UNC13D: variants seen among roughly 807,000 people sequenced by gnomAD.
UNC13D encodes the protein protein unc-13 homolog D.
UNC13D carries 115 observed loss-of-function variants against 151.7 expected under a neutral mutation model. The observed-to-expected ratio is 0.76, with a 90% confidence interval of 0.65 to 0.88. UNC13D has a LOEUF of 0.88. Ranked by LOEUF, UNC13D falls within the 40% of genes least tolerant of loss-of-function variation. The probability of loss-of-function intolerance (pLI) is 0.00; values close to 1 mark genes in which losing one functional copy is unlikely to be tolerated. For synonymous variants in UNC13D, 588 were observed against 612.2 expected, an observed-to-expected ratio of 0.96 and a Z score of 0.58; for missense variants, 1,369 against 1,438.7, an observed-to-expected ratio of 0.95 and a Z score of 0.78.
In UNC13D at chr17:75,828,885, G is replaced by T. The variant is rs778829355; in HGVS notation, c.3053C>A (p.Ala1018Asp). ...GGGCACCTCACGCAGCGGCAGGAAGGCCTCGCCTTCCAGGTCGTCGGCCCC... is the reference window on the plus strand; with the variant it reads ...GGGCACCTCACGCAGCGGCAGGAAGTCCTCGCCTTCCAGGTCGTCGGCCCC... The part of the protein sequence containing the change: ...TLGADDLEGE[A>D]FLPLREVPGL... The change falls in exon 31 of 32, where the codon GCC becomes GAC. Residue 1018 changes from alanine to aspartate, a missense_variant. Physicochemically the swap from Ala to Asp is moderately radical, Grantham distance 126. Around this residue, in one of 3 missense-constraint regions of UNC13D, gnomAD observed 807 missense variants for 795.5 expected, o/e 1.01. Coordinates refer to ENST00000207549, the MANE Select transcript of UNC13D (RefSeq NM_199242.3). The T allele has an allele frequency of 6.2e-6, 10 of 1,604,638 alleles. No homozygotes were observed. Among genetic ancestry groups the T allele is most frequent in the South Asian group, 3.3e-5 (3 of 90,566 alleles).
chr17:75,827,796 T>A lies in UNC13D; in HGVS notation c.*169A>T. 2.0e-6 allele frequency: 3 copies of A among 1,481,452 alleles called. No individual in the cohort carries two copies. The highest frequency in any genetic ancestry group is 1.8e-6 in the Non-Finnish European group (2 of 1,115,142). 91.8% of individuals were successfully genotyped at this position (1,481,452 alleles called of 1,614,324 possible). ...TAGAGATGTCGCTGCTGAGCCCCCA[T>A]CACCATGGGAGGCAGGGGAGGTCTG... On this transcript the variant is annotated 3_prime_UTR_variant, in exon 32 of 32. Transcript: ENST00000207549.
intron 6 of UNC13D, 30 bp from the exon 7 acceptor site, chr17:75,841,031 C>T (rs552415317): frequency 6.2e-7 from 1 of 1,613,626 alleles, no homozygotes. Context: ...TGGTTGAGGG[C>T]CCTGGAGGGT....
chr17:75,833,992 T>C lies in UNC13D; in HGVS notation c.2367+83A>G. 2 of 1,559,816 alleles carry C rather than the reference T, an allele frequency of 1.3e-6. No individual in the cohort carries two copies. The highest frequency in any genetic ancestry group is 1.8e-6 in the Non-Finnish European group (2 of 1,134,140). On this transcript the variant is annotated intron_variant, in intron 24 of 31. Coordinates refer to ENST00000207549, the MANE Select transcript of UNC13D (RefSeq NM_199242.3). This position sits in a 1 kb window ranked among gnomAD's most constrained non-coding sequence, Gnocchi z 4.0. ...TGCTTTGCCTGGTCTGGGGGACTTA[T>C]CTTTGACACCAAGGCCTTCAATGAC...
chr17:75,840,828 T>C lies in UNC13D; in HGVS notation c.617A>G (p.Asp206Gly), dbSNP rs750010000. 1 of 1,613,954 alleles carries C rather than the reference T, an allele frequency of 6.2e-7. No individual in the cohort carries two copies. The highest frequency in any genetic ancestry group is 8.5e-7 in the Non-Finnish European group (1 of 1,180,012). ...TCGGACAGACTCCACAGTGTCCAGG[T>C]CCCTGGCAGGACAGAGGTTTGAGAA... ...TNASFHLDMW[D>G]LDTVESVRQK... Residue 206 changes from aspartate to glycine, a missense_variant and splice_region_variant, in exon 8 of 32, where the codon GAC becomes GGC. Transcript: ENST00000207549. The surrounding 1 kb of genome is among the most constrained non-coding windows in gnomAD (Gnocchi z 4.6).
chr17:75,839,022 C>G (rs895529591), intron 12 of UNC13D, among the ~76,000 whole-genome samples: 1 of 151,960 alleles, frequency 6.6e-6, no homozygotes, highest in Admixed American at 6.5e-5. Context: ...ATGGCGTGAA[C>G]CCAGGAGGCG....
intron 12 of UNC13D, among the ~76,000 whole-genome samples, chr17:75,838,867 A>G (rs7218058): frequency 0.45 from 69,072 of 151,944 alleles, 19,153 homozygotes; most frequent in African/African-American, 0.79. Flanking sequence ...TTGGGAGGCC[A>G]AGGCGGGCGG....
chr17:75,842,805 G>C lies in UNC13D; in HGVS notation c.388+52C>G, dbSNP rs201406510. On this transcript the variant is annotated intron_variant, in intron 5 of 31. Coordinates refer to ENST00000207549, the MANE Select transcript of UNC13D (RefSeq NM_199242.3). ...AAGAGTCCTGGGCCAGGCTGTGATG[G>C]GAGAGGAAGGAGCCAGGAAGAAGCC... The C allele has an allele frequency of 9.8e-4, 1,576 of 1,609,200 alleles. 16 individuals are homozygous for C. In the Middle Eastern group the frequency reaches 0.026, roughly 27 times the overall value.
Position 75,843,913 on chromosome 17 carries a change from G to A in UNC13D, c.117+308C>T. The A allele has an allele frequency of 2.9e-6, 4 of 1,378,342 alleles. No individual in the cohort carries two copies. In the South Asian group the frequency reaches 6.3e-5, roughly 22 times the overall value. 85.4% of individuals were successfully genotyped at this position (1,378,342 alleles called of 1,614,324 possible). A position where few individuals can be genotyped will look rare whatever the true frequency, so the allele number is the denominator to read the frequency against. ...CCCCGAACAGCTCACCCCACAGCAG[G>A]GACACCCCCACCTAATGGAGTCGGC... On this transcript the variant is annotated intron_variant, in intron 1 of 31. Coordinates refer to ENST00000207549, the MANE Select transcript of UNC13D (RefSeq NM_199242.3).
At position 75,833,123 on chromosome 17, in the gene UNC13D, G is replaced by A. The variant is rs2064883653; in HGVS notation, c.2368-78C>T. On this transcript the variant is annotated intron_variant, in intron 24 of 31. Coordinates refer to ENST00000207549, the MANE Select transcript of UNC13D (RefSeq NM_199242.3). The surrounding 1 kb of genome is among the most constrained non-coding windows in gnomAD (Gnocchi z 4.0). ...CCCATCCCCTTCCCCTGACCTGGAG[G>A]GAGGAAACAGGGCTGGGAACCGTTC... The A allele has an allele frequency of 2.8e-6, 4 of 1,423,450 alleles. No homozygotes were observed. Among genetic ancestry groups the A allele is most frequent in the African/African-American group, 2.8e-5 (2 of 70,928 alleles). The allele number at this position is 1,423,450 out of a possible 1,614,324, so 88.2% of individuals were successfully genotyped here. A position where few individuals can be genotyped will look rare whatever the true frequency, so the allele number is the denominator to read the frequency against.
Position 75,828,879 on chromosome 17 carries a change from A to G in UNC13D, c.3059T>C (p.Leu1020Pro), listed in dbSNP as rs749282003. 1 of 1,604,056 alleles carries G rather than the reference A, an allele frequency of 6.2e-7. No individual in the cohort carries two copies. Among genetic ancestry groups the G allele is most frequent in the Non-Finnish European group, 8.5e-7 (1 of 1,178,206 alleles). ...GADDLEGEAF[L>P]PLREVPGLSG... ...CAGCCCGGGCACCTCACGCAGCGGC[A>G]GGAAGGCCTCGCCTTCCAGGTCGTC... The change falls in exon 31 of 32, where the codon CTG (leucine) becomes CCG (proline). Residue 1020 changes from leucine (L) to proline (P), a missense_variant. Physicochemically the swap from Leu to Pro is moderately conservative, Grantham distance 98. Transcript: ENST00000207549.
In UNC13D at chr17:75,834,489, TCAC is replaced by T; in HGVS notation, c.2131_2133del (p.Val711del). ...GCCAGCTGGGCGGGCAACTTGCCGA[TCAC>T]CAGCCGCAGCTGCTCCATGTCATTC... On this transcript the variant is annotated inframe_deletion, in exon 23 of 32. Coordinates refer to ENST00000207549, the MANE Select transcript of UNC13D (RefSeq NM_199242.3). The T allele has an allele frequency of 6.4e-7, 1 of 1,570,792 alleles. No individual in the cohort carries two copies. The highest frequency in any genetic ancestry group is 8.6e-7 in the Non-Finnish European group (1 of 1,159,452).
rs2062143459 is a variant in UNC13D at position 75,829,126 on chromosome 17, G to A, written c.2955-143C>T. On this transcript the variant is annotated intron_variant, in intron 30 of 31. Transcript: ENST00000207549. ...TCAGCCTGGCACCTCTCAGCCATGT[G>A]GTGCAATGCCTGCTCTGACCGTGGG... 3.8e-6 allele frequency: 4 copies of A among 1,053,210 alleles called. No individual in the cohort carries two copies. In the East Asian group the frequency reaches 1.0e-4, roughly 28 times the overall value. The allele number at this position is 1,053,210 out of a possible 1,614,324, so 65.2% of individuals were successfully genotyped here.
At chr17:75,835,230 T>C (rs2064899044) in intron 20 of UNC13D, 167 bp from the exon 21 acceptor site, 1 of 1,399,906 alleles carries the variant, frequency 7.1e-7, no homozygotes, top group Admixed American at 2.0e-5. Context: ...TCAGGCAAAG[T>C]GAAGCCACAG....
rs765565016 is a variant in UNC13D, at chr17:75,834,158, C to A, written c.2299-15G>T. The A allele has an allele frequency of 9.9e-6, 16 of 1,613,412 alleles. No homozygotes were observed. Among genetic ancestry groups the A allele is most frequent in the Middle Eastern group, 1.6e-4 (1 of 6,084 alleles). On this transcript the variant is annotated splice_polypyrimidine_tract_variant and intron_variant, in intron 23 of 31. Coordinates refer to ENST00000207549, the MANE Select transcript of UNC13D (RefSeq NM_199242.3). Reference sequence around the variant, plus strand: ...CCCACCTCCAACTGGAGACACAAAACGGAAGAAGGAGGGAGGTCAGGGCAT... The same window carrying A: ...CCCACCTCCAACTGGAGACACAAAAAGGAAGAAGGAGGGAGGTCAGGGCAT...
Position 75,827,273 on chromosome 17 carries a change from G to C in UNC13D, c.*692C>G, listed in dbSNP as rs907700228. ...TTTTATTAATTTTTTTGCTAAGAAA[G>C]TTTCTAGGTGGCAGGTGCTGTCCGG... is the stretch of plus-strand genomic sequence containing the variant. On this transcript the variant is annotated 3_prime_UTR_variant, in exon 32 of 32. Coordinates refer to ENST00000207549, the MANE Select transcript of UNC13D (RefSeq NM_199242.3). 4.7e-5 allele frequency: 22 copies of C among 464,326 alleles called. No individual in the cohort carries two copies. Among genetic ancestry groups the C allele is most frequent in the Non-Finnish European group, 7.2e-5 (20 of 278,876 alleles). The allele number at this position is 464,326 out of a possible 1,614,324, so 28.8% of individuals were successfully genotyped here.
chr17:75,836,966 C>T, intron 12 of UNC13D, 48 bp from the exon 13 acceptor site: 1 of 1,486,402 alleles, frequency 6.7e-7, no homozygotes, highest in African/African-American at 1.8e-5. Context: ...AGGAAATTGC[C>T]TTCCCCTGTT....
chr17:75,843,442 C>A (rs576154507), intron 2 of UNC13D, 42 bp downstream of exon 2: 1 of 1,587,196 alleles, frequency 6.3e-7, no homozygotes. Context: ...GACACACAGC[C>A]GCCCTCCCCA....
chr17:75,837,977 C>A (rs1036508486), intron 12 of UNC13D, among the ~76,000 whole-genome samples: 1 of 152,142 alleles, frequency 6.6e-6, no homozygotes. Context: ...TTGGGCCCTG[C>A]AGGCAAACCA....
intron 1 of UNC13D, 160 bp from the exon 2 acceptor site, chr17:75,843,679 C>A: frequency 6.8e-7 from 1 of 1,475,228 alleles, no homozygotes; most frequent in Non-Finnish European, 9.0e-7. Flanking sequence ...CCCCAGCAGG[C>A]CTCCTGGAGG....
Sources: gnomAD v4.1 joint callset for allele counts (sites outside exome capture counted in the v4.1 genomes callset) on GRCh38, gnomAD v4.1.1 for gene constraint, gnomAD v4.1.1 regional missense constraint, Gnocchi (gnomAD v3.1) non-coding constraint, MANE v1.5 for transcripts, NCBI Gene and HGNC (gene_info 2026-07-23, HGNC 2026-07-21) for gene names.